DSCAM: variants seen among roughly 807,000 people sequenced by gnomAD.
DSCAM encodes the protein cell adhesion molecule DSCAM.
DSCAM carries 47 observed loss-of-function variants against 217.7 expected under a neutral mutation model. The ratio of observed to expected loss-of-function variants is 0.22; its 90% CI spans 0.17 to 0.28. The LOEUF is 0.28. Among genes scored for constraint, DSCAM ranks in the 10% least tolerant of loss-of-function variants. The pLI is 1.00. For synonymous variants in DSCAM, 1,056 were observed against 1,015.3 expected (o/e 1.04, Z -0.76); for missense variants, 2,080 against 2,618.3 (o/e 0.79, Z 4.49).
At chr21:40,456,358 AG>A (rs1226384147) in intron 3 of DSCAM, among the ~76,000 whole-genome samples, 3 of 152,074 alleles carry the variant, frequency 2.0e-5, no homozygotes, top group African/African-American at 7.2e-5. Context: ...ATTTTCTCAC[AG>A]TAACAGTCTA....
At chr21:40,025,050 T>C (rs1229882614) in intron 32 of DSCAM, among the ~76,000 whole-genome samples, 14,968 of 120,178 alleles carry the variant, frequency 0.12, 945 homozygotes, top group Non-Finnish European at 0.16. Flanking sequence ...GTCCCATCAA[T>C]ACCTAACTTA....
At position 40,360,114 on chromosome 21, in the gene DSCAM, A is replaced by T; in HGVS notation, c.656-6371T>A. On this transcript the variant is annotated intron_variant, in intron 4 of 32. Coordinates refer to ENST00000400454, the MANE Select transcript of DSCAM (RefSeq NM_001389.5). ...CCTCAGGTAGTGAGCATGGTACTTC[A>T]TAGGTAGTCTTTTTTTTTTTTTTTT... Among the ~76,000 whole-genome samples the T allele has an allele frequency of 2.2e-5, 3 of 136,034 alleles. 1 individual carries two copies. The highest frequency in any genetic ancestry group is 5.6e-5 in the African/African-American group (2 of 35,968). 89.2% of individuals were successfully genotyped at this position (136,034 alleles called of 152,430 possible). A position where few individuals can be genotyped will look rare whatever the true frequency, so the allele number is the denominator to read the frequency against.
At chr21:40,713,780 C>G (rs1601161975) in intron 1 of DSCAM, among the ~76,000 whole-genome samples, 1 of 152,148 alleles carries the variant, frequency 6.6e-6, no homozygotes, top group African/African-American at 2.4e-5. Context: ...AAACACTAAG[C>G]ACCAACTTTA....
intron 1 of DSCAM, among the ~76,000 whole-genome samples, chr21:40,723,071 G>C (rs953380067): frequency 6.7e-6 from 1 of 150,314 alleles, no homozygotes; most frequent in Non-Finnish European, 1.5e-5. Context: ...GGAGAACTGA[G>C]AGCTGGGTCT....
chr21:40,652,892 G>A (rs1601823991), intron 3 of DSCAM, among the ~76,000 whole-genome samples: 1 of 152,254 alleles, frequency 6.6e-6, no homozygotes, highest in South Asian at 2.1e-4. Flanking sequence ...CTCTGGAGGA[G>A]GGGTTGGAGA....
chr21:40,066,300 G>A (rs2089205985), intron 27 of DSCAM, among the ~76,000 whole-genome samples: 1 of 152,210 alleles, frequency 6.6e-6, no homozygotes, highest in African/African-American at 2.4e-5. Flanking sequence ...CTTTTCTTGT[G>A]CAGAAATTCC....
At chr21:40,510,286 T>A (rs553864199) in intron 3 of DSCAM, among the ~76,000 whole-genome samples, 1 of 152,318 alleles carries the variant, frequency 6.6e-6, no homozygotes, top group South Asian at 2.1e-4. Context: ...AGGGAAAATT[T>A]ATTAATTCAA....
chr21:40,402,361 G>A (rs903529686), intron 3 of DSCAM, among the ~76,000 whole-genome samples: 4 of 151,488 alleles, frequency 2.6e-5, no homozygotes, highest in African/African-American at 9.7e-5. Flanking sequence ...GAGCCACCAC[G>A]CCCGGCTAAA....
intron 25 of DSCAM, among the ~76,000 whole-genome samples, chr21:40,079,439 C>T (rs201514165): frequency 6.6e-6 from 1 of 152,162 alleles, no homozygotes; most frequent in African/African-American, 2.4e-5. Flanking sequence ...ATAAATCAAT[C>T]CCCGATCATT....
At chr21:40,596,072 G>T (rs961711963) in intron 3 of DSCAM, among the ~76,000 whole-genome samples, 2 of 152,184 alleles carry the variant, frequency 1.3e-5, no homozygotes, top group Non-Finnish European at 2.9e-5. Flanking sequence ...TGTTTTCTCT[G>T]CAGTGGTTTG....
chr21:40,547,088 G>T (rs1199086185), intron 3 of DSCAM, among the ~76,000 whole-genome samples: 1 of 152,086 alleles, frequency 6.6e-6, no homozygotes, highest in Non-Finnish European at 1.5e-5. Context: ...TTGGTCATGG[G>T]GAATCCTCAC....
intron 1 of DSCAM, among the ~76,000 whole-genome samples, chr21:40,718,458 A>C (rs2090866856): frequency 1.3e-5 from 2 of 152,230 alleles, no homozygotes; most frequent in African/African-American, 4.8e-5. Context: ...TCCTGGTGGA[A>C]GGCAAGGAGG....
At chr21:40,749,348 T>C (rs2091205170) in intron 1 of DSCAM, among the ~76,000 whole-genome samples, 1 of 152,150 alleles carries the variant, frequency 6.6e-6, no homozygotes, top group African/African-American at 2.4e-5. Flanking sequence ...ATATCCATAA[T>C]ATATAAGGAA....
chr21:40,063,003 A>G, intron 27 of DSCAM, 104 bp from the exon 28 acceptor site: 2 of 1,010,154 alleles, frequency 2.0e-6, no homozygotes, highest in Non-Finnish European at 2.8e-6. Flanking sequence ...AGTCATTTTG[A>G]AACACAATCA....
At chr21:40,178,352 T>G (rs2090755867) in intron 15 of DSCAM, among the ~76,000 whole-genome samples, 1 of 152,194 alleles carries the variant, frequency 6.6e-6, no homozygotes, top group African/African-American at 2.4e-5. Flanking sequence ...GGAAGCTGTT[T>G]TGCCTTCTCC....
chr21:40,713,964 T>C (rs964031100), intron 1 of DSCAM, among the ~76,000 whole-genome samples: 1 of 152,186 alleles, frequency 6.6e-6, no homozygotes, highest in Non-Finnish European at 1.5e-5. Context: ...GCCCCAGCCA[T>C]GGCTCAAGTG....
chr21:40,053,754 G>T (rs114008291), intron 29 of DSCAM, among the ~76,000 whole-genome samples: 4,779 of 152,230 alleles, frequency 0.031, 111 homozygotes, highest in African/African-American at 0.063. Flanking sequence ...GATCTCTGGC[G>T]AACGGTCATA....
At chr21:40,429,368 G>T (rs1351177603) in intron 3 of DSCAM, among the ~76,000 whole-genome samples, 3 of 151,872 alleles carry the variant, frequency 2.0e-5, no homozygotes, top group Non-Finnish European at 4.4e-5. Context: ...CCGAGTTCAA[G>T]CAATTCTCCT....
At chr21:40,311,282 T>C (rs911243764) in intron 9 of DSCAM, among the ~76,000 whole-genome samples, 1 of 152,228 alleles carries the variant, frequency 6.6e-6, no homozygotes, top group Non-Finnish European at 1.5e-5. Context: ...ATTGTAATGG[T>C]AGATTAATGT....
Sources: allele counts gnomAD v4.1 joint callset (sites outside exome capture counted in the v4.1 genomes callset), GRCh38; gene constraint gnomAD v4.1.1; transcripts MANE v1.5; gene names NCBI Gene and HGNC (gene_info 2026-07-23, HGNC 2026-07-21).